Variants in SLC14A2 observed in about 807,000 individuals in gnomAD.
SLC14A2 encodes solute carrier family 14 member 2.
In SLC14A2, 91 loss-of-function variants were observed where a neutral mutation model predicts 104.6. The observed-to-expected ratio is 0.87, with a 90% confidence interval of 0.73 to 1.04. The LOEUF (loss-of-function observed/expected upper bound fraction) is 1.04, where lower values mean the gene tolerates loss of function less well. SLC14A2 is among the 50% of genes least tolerant of loss of function. The pLI, the probability that SLC14A2 is intolerant of heterozygous loss-of-function variation, is 0.00. For synonymous variants in SLC14A2, 476 were observed against 466.4 expected (o/e 1.02, Z -0.27); for missense variants, 1,189 against 1,156.0 (o/e 1.03, Z -0.41).
intron 2 of SLC14A2, among the ~76,000 whole-genome samples, chr18:45,526,715 C>T (rs1421407907): frequency 2.0e-5 from 3 of 151,736 alleles, no homozygotes; most frequent in East Asian, 1.9e-4. Context: ...ACAGAAAGTT[C>T]GTGGGGAAGA....
At chr18:45,200,516 T>C in the SLC14A2 span, among the ~76,000 whole-genome samples, 1 of 152,240 alleles carries the variant, frequency 6.6e-6, no homozygotes. Flanking sequence ...GTCAATATTT[T>C]CATTGCTGAG....
chr18:45,489,144 CAT>C (rs2087670873), intron 2 of SLC14A2, among the ~76,000 whole-genome samples: 1 of 152,174 alleles, frequency 6.6e-6, no homozygotes, highest in Non-Finnish European at 1.5e-5. Context: ...TTTCTGCATG[CAT>C]ATGTCAGCAA....
chr18:45,235,120 G>C (rs187996778), intron 1 of SLC14A2, among the ~76,000 whole-genome samples: 19 of 152,258 alleles, frequency 1.2e-4, no homozygotes, highest in Admixed American at 9.8e-4. Context: ...GCAAATGTAA[G>C]ATGTGAGGGG....
Position 45,307,367 on chromosome 18 carries a change from G to A in SLC14A2, c.-125+94176G>A, listed in dbSNP as rs374273881. 4.2e-4 allele frequency among the ~76,000 whole-genome samples: 60 copies of A among 141,250 alleles called. No individual in the cohort carries two copies. The East Asian group carries it at 0.011, about 26-fold the overall frequency. The allele number at this position is 141,250 out of a possible 152,430, so 92.7% of individuals were successfully genotyped here. ...CGGGAGGTGGAGGTTGCAGTGAGCCGAGATCACACCATTGCACTCCAGCCT... is the reference window on the plus strand; with the variant it reads ...CGGGAGGTGGAGGTTGCAGTGAGCCAAGATCACACCATTGCACTCCAGCCT... On this transcript the variant is annotated intron_variant, in intron 1 of 20. Coordinates refer to the SLC14A2 transcript ENST00000586448.
At chr18:45,663,239 CCAGGGACCA>C (rs1056311891) in intron 10 of SLC14A2, among the ~76,000 whole-genome samples, 3 of 152,186 alleles carry the variant, frequency 2.0e-5, no homozygotes, top group East Asian at 1.9e-4. Context: ...TGCTACTGGT[CCAGGGACCA>C]CAGGGACCAC....
chr18:45,518,513 T>C (rs1330107150), intron 2 of SLC14A2, among the ~76,000 whole-genome samples: 1 of 152,122 alleles, frequency 6.6e-6, no homozygotes, highest in African/African-American at 2.4e-5. Context: ...AGAGGTGAAA[T>C]AGACATTAGT....
At chr18:45,615,858 AG>A (rs1307756307) in intron 1 of SLC14A2, among the ~76,000 whole-genome samples, 1 of 150,090 alleles carries the variant, frequency 6.7e-6, no homozygotes, top group African/African-American at 2.5e-5. Context: ...AGAGAGAGAG[AG>A]GGAGAGAGAG....
chr18:45,620,393 A>G (rs2045146111), intron 1 of SLC14A2, among the ~76,000 whole-genome samples: 1 of 152,246 alleles, frequency 6.6e-6, no homozygotes, highest in African/African-American at 2.4e-5. Context: ...GCTGAGAGCA[A>G]CATACACATG....
intron 4 of SLC14A2, among the ~76,000 whole-genome samples, chr18:45,628,423 A>C (rs2045295006): frequency 6.8e-6 from 1 of 147,330 alleles, no homozygotes; most frequent in Admixed American, 7.0e-5. Flanking sequence ...CAGCCTGGTG[A>C]CAGAGCGAGA....
At chr18:45,529,298 G>C (rs2043645138) in intron 2 of SLC14A2, 1 of 152,196 alleles carries the variant, frequency 6.6e-6, no homozygotes. Context: ...ACATCTCACT[G>C]TGGTCTACTT....
At chr18:45,281,494 C>T (rs867147607) in intron 1 of SLC14A2, among the ~76,000 whole-genome samples, 126 of 152,264 alleles carry the variant, frequency 8.3e-4, no homozygotes, top group African/African-American at 3.0e-3. Context: ...GGAAGAAAAA[C>T]AAAATATGGA....
Position 45,235,830 on chromosome 18 carries a change from TAC to T in SLC14A2, c.-125+22640_-125+22641del, listed in dbSNP as rs1262187451. 9.4e-4 allele frequency among the ~76,000 whole-genome samples: 89 copies of T among 94,250 alleles called. 5 individuals are homozygous for T. The highest frequency in any genetic ancestry group is 1.0e-3 in the Non-Finnish European group (44 of 42,846). 61.8% of individuals were successfully genotyped at this position (94,250 alleles called of 152,430 possible). ...GTGTGTGTGTATATATATATATATA[TAC>T]GTGTATATATATATGTATATATACA... is the stretch of plus-strand genomic sequence containing the variant. On this transcript the variant is annotated intron_variant, in intron 1 of 20. Coordinates refer to the SLC14A2 transcript ENST00000586448.
At chr18:45,286,723 T>C (rs957463116) in intron 1 of SLC14A2, among the ~76,000 whole-genome samples, 1 of 151,720 alleles carries the variant, frequency 6.6e-6, no homozygotes, top group Non-Finnish European at 1.5e-5. Context: ...CCAACTTGTG[T>C]GTGTGTGTGT....
chr18:45,253,953 C>G (rs148325116), intron 1 of SLC14A2, among the ~76,000 whole-genome samples: 133 of 152,220 alleles, frequency 8.7e-4, no homozygotes, highest in African/African-American at 3.1e-3. Context: ...CCAAGGCTTG[C>G]TGGAAATTGG....
chr18:45,520,274 A>C (rs2612572), intron 2 of SLC14A2, among the ~76,000 whole-genome samples: 151,104 of 152,250 alleles, frequency 0.99, 74,996 homozygotes, highest in Middle Eastern at 1. Flanking sequence ...TGAGTCCCTA[A>C]CAGGTATAAA....
intron 1 of SLC14A2, among the ~76,000 whole-genome samples, chr18:45,266,433 A>G (rs757690664): frequency 1.3e-5 from 2 of 152,120 alleles, no homozygotes; most frequent in Non-Finnish European, 2.9e-5. Flanking sequence ...CATTGGTTTT[A>G]TTCACAAATC....
At chr18:45,438,069 G>A (rs1379990879) in intron 1 of SLC14A2, 1 of 152,182 alleles carries the variant, frequency 6.6e-6, no homozygotes, top group Non-Finnish European at 1.5e-5. Flanking sequence ...CTGTAGAAGG[G>A]AACATCAGAA....
chr18:45,367,914 A>G (rs1321437010), intron 1 of SLC14A2, among the ~76,000 whole-genome samples: 2 of 152,128 alleles, frequency 1.3e-5, no homozygotes, highest in Non-Finnish European at 2.9e-5. Flanking sequence ...GAGGCACTGA[A>G]GGCTTAATGT....
intron 1 of SLC14A2, among the ~76,000 whole-genome samples, chr18:45,398,497 A>T (rs562730609): frequency 1.3e-5 from 2 of 152,300 alleles, no homozygotes; most frequent in South Asian, 4.1e-4. Flanking sequence ...TTGTACACCA[A>T]TGTTTATGGC....
Sources: allele counts gnomAD v4.1 joint callset (sites outside exome capture counted in the v4.1 genomes callset), GRCh38; gene constraint gnomAD v4.1.1; transcripts MANE v1.5; gene names NCBI Gene and HGNC (gene_info 2026-07-23, HGNC 2026-07-21).